Variants in SLC13A5 observed in about 807,000 individuals in gnomAD.
SLC13A5 encodes the protein Na(+)/citrate cotransporter.
SLC13A5 carries 25 observed loss-of-function variants against 56.5 expected under a neutral mutation model. The observed-to-expected ratio is 0.44, with a 90% confidence interval of 0.32 to 0.62. The LOEUF is 0.62. Ranked by LOEUF, SLC13A5 falls within the 20% of genes least tolerant of loss-of-function variation. The pLI is 0.04. For synonymous variants in SLC13A5, 307 were observed against 301.5 expected, an observed-to-expected ratio of 1.02 and a Z score of -0.19; for missense variants, 649 against 737.8, an observed-to-expected ratio of 0.88 and a Z score of 1.39.
At chr17:6,707,994 CAG>C (rs1443789693) in intron 1 of SLC13A5, among the ~76,000 whole-genome samples, 31 of 151,934 alleles carry the variant, frequency 2.0e-4, no homozygotes, top group African/African-American at 7.5e-4. Context: ...GTGTGTGTGA[CAG>C]AGTTTCGATC....
chr17:6,694,227 G>T, intron 7 of SLC13A5, 30 bp from the exon 8 acceptor site: 1 of 1,340,614 alleles, frequency 7.5e-7, no homozygotes, highest in South Asian at 1.2e-5. Context: ...GCTCATCTGC[G>T]ACAGAGACAG....
intron 6 of SLC13A5, among the ~76,000 whole-genome samples, chr17:6,696,769 G>A (rs185511213): frequency 1.6e-3 from 245 of 152,304 alleles, no homozygotes; most frequent in Non-Finnish European, 2.9e-3. Flanking sequence ...TTGAAGGGGT[G>A]GGCAAGGCCA....
Position 6,691,003 on chromosome 17 carries a change from G to A in SLC13A5, c.1276-63C>T, listed in dbSNP as rs4796540. ...CAGCTTGCAGTTCCTTCAGGGCCAG[G>A]GCAAGCTTGGCCCATCCTCCCCTCC... On this transcript the variant is annotated intron_variant, in intron 9 of 11. Coordinates refer to ENST00000433363, the MANE Select transcript of SLC13A5 (RefSeq NM_177550.5). 295,394 of 1,540,610 alleles carry A rather than the reference G, an allele frequency of 0.19. 30,307 individuals carry two copies. Among genetic ancestry groups the A allele is most frequent in the African/African-American group, 0.35 (25,609 of 73,374 alleles).
At chr17:6,695,695 G>A (rs752125955) in intron 7 of SLC13A5, 31 bp downstream of exon 7, 1 of 1,611,658 alleles carries the variant, frequency 6.2e-7, no homozygotes, top group Non-Finnish European at 8.5e-7. Context: ...CTGGCCCTAA[G>A]CCAGCGATTT....
chr17:6,703,736 T>G, intron 4 of SLC13A5, 142 bp downstream of exon 4: 1 of 808,630 alleles, frequency 1.2e-6, no homozygotes, highest in Non-Finnish European at 1.8e-6. Flanking sequence ...GACAACAGTA[T>G]TTTCTATTTT....
chr17:6,693,531 T>C (rs746313699), intron 8 of SLC13A5: 1 of 167,974 alleles, frequency 6.0e-6, no homozygotes, highest in Non-Finnish European at 1.3e-5. Context: ...GGAAAAGCTA[T>C]ATGCAAGAAA....
chr17:6,687,623 C>G lies in SLC13A5; in HGVS notation c.1481G>C (p.Cys494Ser). ...GLNPLYIMLP[C>S]TLSASFAFML... is the part of the protein sequence containing the mutation. Reference sequence around the variant, plus strand: ...GAAGGCAAAGGAGGCACTCAGGGTACAGGGCAGCATGATGTACAGCGGATT... The same window carrying G: ...GAAGGCAAAGGAGGCACTCAGGGTAGAGGGCAGCATGATGTACAGCGGATT... Residue 494 changes from cysteine (C) to serine (S), a missense_variant, in exon 11 of 12, where the codon TGT becomes TCT. Transcript: ENST00000433363. The surrounding 1 kb of genome is among the most constrained non-coding windows in gnomAD (Gnocchi z 5.0). 6.2e-7 allele frequency: 1 copy of G among 1,613,412 alleles called. No homozygotes were observed. The highest frequency in any genetic ancestry group is 8.5e-7 in the Non-Finnish European group (1 of 1,179,832).
chr17:6,698,387 T>A (rs1277665221), intron 6 of SLC13A5, among the ~76,000 whole-genome samples: 1 of 152,224 alleles, frequency 6.6e-6, no homozygotes, highest in Non-Finnish European at 1.5e-5. Flanking sequence ...GACATCTGCC[T>A]CTGGCCAGAC....
At chr17:6,693,196 CA>C in intron 8 of SLC13A5, 34 bp from the exon 9 acceptor site, 1 of 804,092 alleles carries the variant, frequency 1.2e-6, no homozygotes, top group Non-Finnish European at 1.9e-6. Flanking sequence ...CACACACACA[CA>C]CACACACACA....
In SLC13A5 at chr17:6,693,771, T is replaced by C. The variant is rs1159771915; in HGVS notation, c.1156+326A>G. ...TTGATTATAATGTAATATACAGGCATATTAGCAAAGACTGGGAGGAAGAGA... is the reference window on the plus strand; with the variant it reads ...TTGATTATAATGTAATATACAGGCACATTAGCAAAGACTGGGAGGAAGAGA... On this transcript the variant is annotated intron_variant, in intron 8 of 11. Transcript: ENST00000433363. 3.9e-5 allele frequency among the ~76,000 whole-genome samples: 6 copies of C among 152,314 alleles called. No individual in the cohort carries two copies. The East Asian group carries it at 1.2e-3, about 29-fold the overall frequency.
chr17:6,696,519 G>C (rs1224210339), intron 6 of SLC13A5, among the ~76,000 whole-genome samples: 1 of 152,006 alleles, frequency 6.6e-6, no homozygotes, highest in East Asian at 1.9e-4. Flanking sequence ...AGCCCAGGAT[G>C]GCACCCCCAT....
In SLC13A5 at chr17:6,713,110, C is replaced by G. The variant is rs751124318; in HGVS notation, c.102+122G>C. 205 of 978,572 alleles carry G rather than the reference C, an allele frequency of 2.1e-4. No individual in the cohort carries two copies. Among genetic ancestry groups the G allele is most frequent in the Non-Finnish European group, 3.0e-4 (194 of 653,118 alleles). 60.6% of individuals were successfully genotyped at this position (978,572 alleles called of 1,614,324 possible). A position where few individuals can be genotyped will look rare whatever the true frequency, so the allele number is the denominator to read the frequency against. ...CACCTGGAGCTCCTGAGTGCGCGCG[C>G]CCCGGGAGAGCTGTGCTCCCCGCGA... On this transcript the variant is annotated intron_variant, in intron 1 of 11. Coordinates refer to ENST00000433363, the MANE Select transcript of SLC13A5 (RefSeq NM_177550.5). This position sits in a 1 kb window ranked among gnomAD's most constrained non-coding sequence, Gnocchi z 7.3.
intron 6 of SLC13A5, among the ~76,000 whole-genome samples, chr17:6,697,509 G>T (rs1327892791): frequency 6.6e-6 from 1 of 152,222 alleles, no homozygotes; most frequent in Non-Finnish European, 1.5e-5. Context: ...GGCATGAGAT[G>T]CAAGTAAATG....
intron 4 of SLC13A5, 104 bp from the exon 5 acceptor site, chr17:6,703,242 C>T (rs1383874854): frequency 8.4e-6 from 12 of 1,428,538 alleles, no homozygotes; most frequent in Non-Finnish European, 1.1e-5. Context: ...AATCCCAGCT[C>T]TGCTGATTTA....
chr17:6,686,815 T>C (rs1451729977), intron 11 of SLC13A5: 2 of 160,070 alleles, frequency 1.2e-5, no homozygotes, highest in Non-Finnish European at 2.8e-5. Flanking sequence ...TACTGGGGAT[T>C]GGAGTCAAGT....
intron 1 of SLC13A5, 65 bp from the exon 2 acceptor site, chr17:6,707,221 C>T (rs1308649197): frequency 8.2e-6 from 13 of 1,588,998 alleles, no homozygotes; most frequent in Admixed American, 1.7e-5. Flanking sequence ...CAGAACACTC[C>T]GGACGGCGGC....
At position 6,693,088 on chromosome 17, in the gene SLC13A5, C is replaced by A; in HGVS notation, c.1231G>T (p.Val411Leu). ...GCAAATCCGCCCCCTAGTAGCAGCACGATGCCCCAGGGCACTTTCTCCTGG... is the reference window on the plus strand; with the variant it reads ...GCAAATCCGCCCCCTAGTAGCAGCAAGATGCCCCAGGGCACTTTCTCCTGG... ...VTQEKVPWGI[V>L]LLLGGGFALA... Residue 411 changes from valine to leucine, a missense_variant, in exon 9 of 12, where the codon GTG becomes TTG. Val to Leu is a conservative substitution (Grantham distance 32, BLOSUM62 1). Transcript: ENST00000433363. 1 of 1,613,978 alleles carries A rather than the reference C, an allele frequency of 6.2e-7. No homozygotes were observed. The highest frequency in any genetic ancestry group is 2.2e-5 in the East Asian group (1 of 44,852).
rs779832945 is a variant in SLC13A5 at position 6,701,132 on chromosome 17, A to G, written c.717-6T>C. The stretch of plus-strand genomic sequence containing the variant: ...CCTTGCTGTCAGGAAACAACCTACA[A>G]GAAGACACCGGCCCCCACCTCAGAT... On this transcript the variant is annotated splice_region_variant and splice_polypyrimidine_tract_variant and intron_variant, in intron 5 of 11. Coordinates refer to ENST00000433363, the MANE Select transcript of SLC13A5 (RefSeq NM_177550.5). The surrounding 1 kb of genome is among the most constrained non-coding windows in gnomAD (Gnocchi z 4.1). 1.2e-5 allele frequency: 19 copies of G among 1,613,752 alleles called. No homozygotes were observed. The highest frequency in any genetic ancestry group is 3.3e-5 in the South Asian group (3 of 91,050).
In SLC13A5 at chr17:6,686,397, G is replaced by A; in HGVS notation, c.1576-59C>T. The A allele has an allele frequency of 1.9e-6, 3 of 1,608,670 alleles. No homozygotes were observed. In the South Asian group the frequency reaches 3.3e-5, roughly 18 times the overall value. On this transcript the variant is annotated intron_variant, in intron 11 of 11. Coordinates refer to ENST00000433363, the MANE Select transcript of SLC13A5 (RefSeq NM_177550.5). ...TGCTGGGGACTAGTGCTCTCAGAGA[G>A]GAGGACAAAGGGTCGGCTCACTGGG...
Sources: gnomAD v4.1 joint callset for allele counts (sites outside exome capture counted in the v4.1 genomes callset) on GRCh38, gnomAD v4.1.1 for gene constraint, Gnocchi (gnomAD v3.1) non-coding constraint, MANE v1.5 for transcripts, NCBI Gene and HGNC (gene_info 2026-07-23, HGNC 2026-07-21) for gene names.